The following DUS2 variants were observed in gnomAD, a reference collection of about 807,000 sequenced individuals.
The protein encoded by DUS2 is dihydrouridine synthase 2.
DUS2 carries 52 observed loss-of-function variants against 71.3 expected under a neutral mutation model. That is an observed-to-expected ratio of 0.73 (90% confidence interval 0.58 to 0.92). DUS2 has a LOEUF of 0.92. Among genes scored for constraint, DUS2 ranks in the 40% least tolerant of loss-of-function variants. The pLI is 0.00. For synonymous variants in DUS2, 204 were observed against 227.8 expected (o/e 0.90, Z 0.94); for missense variants, 558 against 622.6 (o/e 0.90, Z 1.10).
chr16:68,078,798 C>T lies in DUS2; in HGVS notation c.1294C>T (p.Arg432Trp), dbSNP rs761781082. The change falls in exon 17 of 17, where the codon CGG becomes TGG. Residue 432 changes from arginine (R) to tryptophan (W), a missense_variant. Coordinates refer to ENST00000565263, the MANE Select transcript of DUS2 (RefSeq NM_017803.5). Reference sequence around the variant, plus strand: ...GCAGGCTGCAGCCATCGTCTGTCTGCGGAGCCAGGGCCTCCCTGAGGGTCG... The same window carrying T: ...GCAGGCTGCAGCCATCGTCTGTCTGTGGAGCCAGGGCCTCCCTGAGGGTCG... ...AEQAAAIVCL[R>W]SQGLPEGRLG... 23 of 1,612,624 alleles carry T rather than the reference C, an allele frequency of 1.4e-5. No homozygotes were observed. Among genetic ancestry groups the T allele is most frequent in the Middle Eastern group, 1.7e-4 (1 of 6,024 alleles).
At chr16:68,025,999 G>A (rs2033343451) in intron 2 of DUS2, among the ~76,000 whole-genome samples, 1 of 152,016 alleles carries the variant, frequency 6.6e-6, no homozygotes, top group African/African-American at 2.4e-5. Context: ...AATTGATTTG[G>A]GTTAAGGCCT....
At chr16:68,048,941 T>C (rs1001604972) in intron 3 of DUS2, among the ~76,000 whole-genome samples, 36 of 152,166 alleles carry the variant, frequency 2.4e-4, no homozygotes, top group Non-Finnish European at 4.6e-4. Context: ...CCCCTTTTTC[T>C]TTCTTTCCTT....
Position 68,023,348 on chromosome 16 carries a change from C to T in DUS2, c.-102C>T, listed in dbSNP as rs1001294787. On this transcript the variant is annotated 5_prime_UTR_variant, in exon 1 of 17. Coordinates refer to ENST00000565263, the MANE Select transcript of DUS2 (RefSeq NM_017803.5). ...GAGGTTCTTTTTAAGAGTTCAGCTG[C>T]GAGGTCTGTAGCTCCGAATAGGGGA... is the stretch of plus-strand genomic sequence containing the variant. 9.9e-7 allele frequency: 1 copy of T among 1,014,460 alleles called. No individual in the cohort carries two copies. Among genetic ancestry groups the T allele is most frequent in the Non-Finnish European group, 1.4e-6 (1 of 704,970 alleles). The allele number at this position is 1,014,460 out of a possible 1,614,324, so 62.8% of individuals were successfully genotyped here. A position where few individuals can be genotyped will look rare whatever the true frequency, so the allele number is the denominator to read the frequency against.
intron 3 of DUS2, among the ~76,000 whole-genome samples, chr16:68,041,963 C>G (rs745703811): frequency 1.3e-5 from 2 of 152,022 alleles, no homozygotes; most frequent in Admixed American, 6.6e-5. Context: ...AACAGACCTC[C>G]GGAACTTTTT....
intron 3 of DUS2, among the ~76,000 whole-genome samples, chr16:68,038,480 A>T (rs1161422687): frequency 6.6e-6 from 1 of 152,168 alleles, no homozygotes; most frequent in African/African-American, 2.4e-5. Flanking sequence ...CTGTAATCCC[A>T]GCACTTTGGG....
chr16:68,045,554 T>G (rs1190224726), intron 3 of DUS2, among the ~76,000 whole-genome samples: 1 of 150,458 alleles, frequency 6.6e-6, no homozygotes, highest in East Asian at 2.0e-4. Flanking sequence ...GAGGTTGCAG[T>G]GAGCCGAGAT....
intron 3 of DUS2, among the ~76,000 whole-genome samples, chr16:68,047,500 G>A (rs1261371194): frequency 6.6e-6 from 1 of 151,414 alleles, no homozygotes; most frequent in African/African-American, 2.4e-5. Flanking sequence ...GTTTTTTCCC[G>A]AGATGGAGTC....
intron 3 of DUS2, among the ~76,000 whole-genome samples, chr16:68,048,916 T>A (rs2033740924): frequency 6.6e-6 from 1 of 152,178 alleles, no homozygotes; most frequent in Non-Finnish European, 1.5e-5. Context: ...ATTTATGATG[T>A]GATTTTGAAG....
At chr16:68,035,643 C>A (rs750355019) in intron 2 of DUS2, among the ~76,000 whole-genome samples, 3 of 151,204 alleles carry the variant, frequency 2.0e-5, no homozygotes, top group African/African-American at 4.9e-5. Context: ...CCTGCCTTGG[C>A]CTCCCAAAGT....
chr16:68,038,443 AAAG>A (rs1249116710), intron 3 of DUS2, among the ~76,000 whole-genome samples: 1 of 152,038 alleles, frequency 6.6e-6, no homozygotes, highest in Non-Finnish European at 1.5e-5. Flanking sequence ...TTAAAAAATA[AAAG>A]AGGCCTGGCA....
rs762936985 is a variant in DUS2 at position 68,038,094 on chromosome 16, C to T, written c.71C>T (p.Thr24Ile). Residue 24 changes from threonine to isoleucine, a missense_variant, in exon 3 of 17, where the codon ACT (threonine) becomes ATT (isoleucine). Physicochemically the swap from Thr to Ile is moderately conservative, Grantham distance 89. Transcript: ENST00000565263. ...LILAPMVRVGTLPMRLLALDY... is the reference protein window; with the variant it reads ...LILAPMVRVGILPMRLLALDY... Reference sequence around the variant, plus strand: ...CTGGCCCCAATGGTTCGGGTAGGGACTCTTCCAATGAGGCTGCTGGCCCTG... The same window carrying T: ...CTGGCCCCAATGGTTCGGGTAGGGATTCTTCCAATGAGGCTGCTGGCCCTG... 1 of 1,613,902 alleles carries T rather than the reference C, an allele frequency of 6.2e-7. No homozygotes were observed. Among genetic ancestry groups the T allele is most frequent in the Non-Finnish European group, 8.5e-7 (1 of 1,179,952 alleles).
In DUS2 at chr16:68,079,099, T is replaced by G; in HGVS notation, c.*113T>G. The G allele has an allele frequency of 9.7e-7, 1 of 1,030,850 alleles. No homozygotes were observed. Among genetic ancestry groups the G allele is most frequent in the Non-Finnish European group, 1.4e-6 (1 of 727,184 alleles). 63.9% of individuals were successfully genotyped at this position (1,030,850 alleles called of 1,614,324 possible). On this transcript the variant is annotated 3_prime_UTR_variant, in exon 17 of 17. Coordinates refer to ENST00000565263, the MANE Select transcript of DUS2 (RefSeq NM_017803.5). ...GTTTGCTGGTCTTGCCTGGCAGAAG[T>G]TAGATGTCCTGGCAGGGGCCATCAG... is the stretch of plus-strand genomic sequence containing the variant.
chr16:68,064,748 T>G (rs1157988247), intron 8 of DUS2, among the ~76,000 whole-genome samples: 1 of 152,254 alleles, frequency 6.6e-6, no homozygotes, highest in African/African-American at 2.4e-5. Flanking sequence ...TTCCTGCCAG[T>G]CCCTGGCATT....
intron 2 of DUS2, among the ~76,000 whole-genome samples, chr16:68,030,045 C>T (rs2033415309): frequency 6.6e-6 from 1 of 151,686 alleles, no homozygotes; most frequent in East Asian, 2.0e-4. Flanking sequence ...CATGCCTGGC[C>T]AGAAATTGCT....
chr16:68,044,396 C>CTTTTTTTTTTTT (rs1001911267), intron 3 of DUS2, among the ~76,000 whole-genome samples: 1 of 135,556 alleles, frequency 7.4e-6, no homozygotes, highest in Non-Finnish European at 1.6e-5. Flanking sequence ...TCTTTAATTT[C>CTTTTTTTTTTTT]TTTTTTTTTT....
chr16:68,065,833 A>G (rs2033997997), intron 8 of DUS2, among the ~76,000 whole-genome samples: 1 of 151,138 alleles, frequency 6.6e-6, no homozygotes, highest in Non-Finnish European at 1.5e-5. Flanking sequence ...TGTGTTCTTA[A>G]CCAAGGCTAG....
Position 68,079,051 on chromosome 16 carries a change from CATG to C in DUS2, c.*67_*69del. 7.3e-7 allele frequency: 1 copy of C among 1,369,932 alleles called. No homozygotes were observed. The highest frequency in any genetic ancestry group is 9.9e-7 in the Non-Finnish European group (1 of 1,007,518). 84.9% of individuals were successfully genotyped at this position (1,369,932 alleles called of 1,614,324 possible). On this transcript the variant is annotated 3_prime_UTR_variant, in exon 17 of 17. Transcript: ENST00000565263. ...GCTAAGGTGGCTGTGGATGCCACAG[CATG>C]AACCAGATGCCGTTGAACAGTTTGC...
chr16:68,047,301 G>A (rs1392631836), intron 3 of DUS2, among the ~76,000 whole-genome samples: 2 of 151,614 alleles, frequency 1.3e-5, no homozygotes, highest in African/African-American at 2.4e-5. Context: ...TGATCCACCC[G>A]CCTCAGCCTC....
intron 2 of DUS2, among the ~76,000 whole-genome samples, chr16:68,036,306 A>G (rs2033526478): frequency 6.6e-6 from 1 of 151,774 alleles, no homozygotes. Context: ...GATTACAGGC[A>G]CTTGTCATCA....
Sources: allele counts gnomAD v4.1 joint callset (sites outside exome capture counted in the v4.1 genomes callset), GRCh38; gene constraint gnomAD v4.1.1; transcripts MANE v1.5; gene names NCBI Gene and HGNC (gene_info 2026-07-23, HGNC 2026-07-21).